The following RABGAP1L variants were observed in gnomAD, a reference collection of about 807,000 sequenced individuals.
RABGAP1L encodes the protein rab GTPase-activating protein 1-like.
Under a neutral mutation model 137.7 loss-of-function variants are expected in RABGAP1L, and 63 were observed. The ratio of observed to expected loss-of-function variants is 0.46; its 90% CI spans 0.37 to 0.56. The LOEUF is 0.56. Among genes scored for constraint, RABGAP1L ranks in the 20% least tolerant of loss-of-function variants. The pLI, the probability that RABGAP1L is intolerant of heterozygous loss-of-function variation, is 0.00. For synonymous variants in RABGAP1L, 431 were observed against 433.7 expected, an observed-to-expected ratio of 0.99 and a Z score of 0.08; for missense variants, 1,095 against 1,244.0, an observed-to-expected ratio of 0.88 and a Z score of 1.80.
intron 19 of RABGAP1L, among the ~76,000 whole-genome samples, chr1:174,934,640 A>C (rs1221392053): frequency 6.6e-6 from 1 of 151,968 alleles, no homozygotes; most frequent in Non-Finnish European, 1.5e-5. Context: ...AAAATACAAA[A>C]AATAGCTGCT....
intron 18 of RABGAP1L, among the ~76,000 whole-genome samples, chr1:174,774,212 C>G (rs904352454): frequency 9.9e-5 from 15 of 152,204 alleles, no homozygotes; most frequent in Middle Eastern, 3.4e-3. Context: ...TATTGCTTTT[C>G]CTTGACTAAG....
chr1:174,296,441 A>T (rs1677135929), intron 10 of RABGAP1L, among the ~76,000 whole-genome samples: 1 of 152,204 alleles, frequency 6.6e-6, no homozygotes, highest in Non-Finnish European at 1.5e-5. Context: ...TCTGCTAGTG[A>T]TACTACTGAA....
chr1:174,882,830 CTT>C (rs201814726), intron 19 of RABGAP1L, among the ~76,000 whole-genome samples: 4 of 146,256 alleles, frequency 2.7e-5, no homozygotes. Context: ...AACATAAGAG[CTT>C]TTTTTTTTTT....
At chr1:174,339,643 A>G (rs902441985) in intron 11 of RABGAP1L, among the ~76,000 whole-genome samples, 2 of 151,568 alleles carry the variant, frequency 1.3e-5, no homozygotes, top group Non-Finnish European at 2.9e-5. Flanking sequence ...GTCTCACTCT[A>G]TTGCCCAGGC....
At chr1:174,330,019 G>A (rs1050172476) in intron 11 of RABGAP1L, among the ~76,000 whole-genome samples, 1 of 151,806 alleles carries the variant, frequency 6.6e-6, no homozygotes, top group African/African-American at 2.4e-5. Flanking sequence ...TTTTACCACT[G>A]CTATTCAATA....
At chr1:174,904,839 CG>C (rs201692662) in intron 19 of RABGAP1L, among the ~76,000 whole-genome samples, 3,176 of 152,000 alleles carry the variant, frequency 0.021, 51 homozygotes, top group Middle Eastern at 0.078. Context: ...TTTGTAGAGA[CG>C]GGGGTCTCAC....
At chr1:174,465,110 A>G (rs1413899056) in intron 13 of RABGAP1L, among the ~76,000 whole-genome samples, 2 of 152,202 alleles carry the variant, frequency 1.3e-5, no homozygotes, top group African/African-American at 2.4e-5. Flanking sequence ...TTTCTGGCAC[A>G]TGAAAACTAC....
chr1:174,450,709 G>T (rs1316824350), intron 13 of RABGAP1L, among the ~76,000 whole-genome samples: 3 of 152,106 alleles, frequency 2.0e-5, no homozygotes, highest in Admixed American at 1.3e-4. Context: ...GGGAATTAGC[G>T]AAGCAAGTAT....
At chr1:174,466,760 C>G (rs762649702) in intron 13 of RABGAP1L, among the ~76,000 whole-genome samples, 17 of 152,200 alleles carry the variant, frequency 1.1e-4, no homozygotes, top group Non-Finnish European at 1.9e-4. Context: ...GCACTCTAGT[C>G]TGGGCGAGAG....
At chr1:174,807,035 C>T (rs1416894726) in intron 18 of RABGAP1L, among the ~76,000 whole-genome samples, 4 of 152,168 alleles carry the variant, frequency 2.6e-5, no homozygotes, top group Non-Finnish European at 5.9e-5. Flanking sequence ...GATCCGCCCA[C>T]CTTGGCCTCC....
At chr1:174,976,614 G>A (rs1180640079) in intron 22 of RABGAP1L, among the ~76,000 whole-genome samples, 2 of 152,198 alleles carry the variant, frequency 1.3e-5, no homozygotes, top group Non-Finnish European at 2.9e-5. Flanking sequence ...CACAGCCCCT[G>A]CCGCAATCAG....
chr1:174,825,535 G>C (rs1003713014), intron 19 of RABGAP1L, among the ~76,000 whole-genome samples: 1 of 152,192 alleles, frequency 6.6e-6, no homozygotes, highest in Non-Finnish European at 1.5e-5. Context: ...TTCTAGGGAT[G>C]CCCTAACAAA....
chr1:174,564,847 C>T (rs16847176), intron 13 of RABGAP1L, among the ~76,000 whole-genome samples: 2,354 of 152,176 alleles, frequency 0.015, 176 homozygotes, highest in Admixed American at 0.13. Context: ...AAGTAGTATA[C>T]CTGAATAAGG....
chr1:174,961,845 CAAAAAAAAAAAA>C (rs61233451), intron 20 of RABGAP1L, among the ~76,000 whole-genome samples: 3 of 88,726 alleles, frequency 3.4e-5, no homozygotes, highest in African/African-American at 7.2e-5. Context: ...GACTCTGTCT[CAAAAAAAAAAAA>C]AAAAAAAAAA....
intron 13 of RABGAP1L, among the ~76,000 whole-genome samples, chr1:174,588,165 C>CTATT (rs200054465): frequency 0.017 from 2,540 of 151,422 alleles, 59 homozygotes; most frequent in African/African-American, 0.059. Flanking sequence ...CATGCCTGGC[C>CTATT]TATTTATTTA....
At chr1:174,311,314 A>G (rs950582645) in intron 11 of RABGAP1L, among the ~76,000 whole-genome samples, 8 of 152,186 alleles carry the variant, frequency 5.3e-5, no homozygotes, top group African/African-American at 1.9e-4. Flanking sequence ...ATGAGAATTC[A>G]TTCACTATCA....
intron 14 of RABGAP1L, among the ~76,000 whole-genome samples, chr1:174,656,874 G>A (rs1049004167): frequency 2.0e-5 from 3 of 152,100 alleles, no homozygotes; most frequent in African/African-American, 4.8e-5. Context: ...TTGAACATGC[G>A]TTTGTATTAC....
intron 13 of RABGAP1L, among the ~76,000 whole-genome samples, chr1:174,618,345 T>G (rs1043975813): frequency 6.6e-6 from 1 of 152,124 alleles, no homozygotes; most frequent in Non-Finnish European, 1.5e-5. Flanking sequence ...GACTGCCTCC[T>G]CAAGTGGGTC....
intron 1 of RABGAP1L, among the ~76,000 whole-genome samples, chr1:174,163,216 G>A (rs188185734): frequency 6.6e-6 from 1 of 152,218 alleles, no homozygotes; most frequent in Non-Finnish European, 1.5e-5. Flanking sequence ...CTTTCAGAAC[G>A]GGAAATAATT....
Sources: allele counts gnomAD v4.1 joint callset (sites outside exome capture counted in the v4.1 genomes callset), GRCh38; gene constraint gnomAD v4.1.1; transcripts MANE v1.5; gene names NCBI Gene and HGNC (gene_info 2026-07-23, HGNC 2026-07-21).